DNMT3A: variants seen among roughly 807,000 people sequenced by gnomAD.
DNMT3A encodes the protein DNA methyltransferase 3 alpha.
Under a neutral mutation model 117.6 loss-of-function variants are expected in DNMT3A, and 267 were observed. The ratio of observed to expected loss-of-function variants is 2.27; its 90% CI spans 2.05 to 2.51. The LOEUF (loss-of-function observed/expected upper bound fraction) is 2.51, where lower values mean the gene tolerates loss of function less well. Among genes scored for constraint, DNMT3A ranks in the 30% most tolerant of loss-of-function variants. DNMT3A has a pLI of 0.00. For synonymous variants in DNMT3A, 432 were observed against 474.8 expected (o/e 0.91, Z 1.17); for missense variants, 1,029 against 1,260.2 (o/e 0.82, Z 2.78).
In DNMT3A at chr2:25,327,297, G is replaced by GAT. The variant is rs1183156329; in HGVS notation, c.-177-13138_-177-13137dup. Among the ~76,000 whole-genome samples the GAT allele has an allele frequency of 2.0e-5, 3 of 152,158 alleles. No homozygotes were observed. The highest frequency in any genetic ancestry group is 4.4e-5 in the Non-Finnish European group (3 of 68,028). On this transcript the variant is annotated intron_variant, in intron 1 of 22. Transcript: ENST00000321117. The surrounding 1 kb of genome is among the most constrained non-coding windows in gnomAD (Gnocchi z 4.1). ...TCTGTCTTCTGAATGGACCCTGACT[G>GAT]ATACAGTCACCCGCGGCCCCAAAGG...
chr2:25,256,117 AC>A (rs2149335204), intron 6 of DNMT3A, among the ~76,000 whole-genome samples: 1 of 152,098 alleles, frequency 6.6e-6, no homozygotes, highest in East Asian at 1.9e-4. Context: ...ACGTATTTCC[AC>A]CCCACACGTA....
intron 4 of DNMT3A, among the ~76,000 whole-genome samples, chr2:25,280,792 G>A (rs553404280): frequency 1.3e-5 from 2 of 152,278 alleles, no homozygotes; most frequent in African/African-American, 4.8e-5. Flanking sequence ...TTGACTGATC[G>A]ATGCAGGAGC....
At position 25,300,712 on chromosome 2, in the gene DNMT3A, AATATATATAT is replaced by A. The variant is rs3039391; in HGVS notation, c.73-479_73-470del. 9.6e-3 allele frequency among the ~76,000 whole-genome samples: 181 copies of A among 18,846 alleles called. 2 individuals carry two copies. The highest frequency in any genetic ancestry group is 0.012 in the Admixed American group (13 of 1,122). 12.4% of individuals were successfully genotyped at this position (18,846 alleles called of 152,430 possible). A position where few individuals can be genotyped will look rare whatever the true frequency, so the allele number is the denominator to read the frequency against. ...ATATATTTATATATCTAAATAATAT[AATATATATAT>A]ATATATATATATATATATATATATA... is the stretch of plus-strand genomic sequence containing the variant. On this transcript the variant is annotated intron_variant, in intron 2 of 22. Coordinates refer to ENST00000321117, the MANE Select transcript of DNMT3A (RefSeq NM_022552.5).
At chr2:25,271,728 G>A (rs1051721869) in intron 6 of DNMT3A, among the ~76,000 whole-genome samples, 1 of 148,896 alleles carries the variant, frequency 6.7e-6, no homozygotes, top group Non-Finnish European at 1.5e-5. Context: ...AATGTTATTA[G>A]CAGAAAATAT....
rs770052053 is a variant in DNMT3A, at chr2:25,240,692, G to A, written c.2121C>T (p.Gly707=). 3 of 1,614,226 alleles carry A rather than the reference G, an allele frequency of 1.9e-6. No individual in the cohort carries two copies. Among genetic ancestry groups the A allele is most frequent in the East Asian group, 2.2e-5 (1 of 44,884 alleles). Residue 707 remains glycine (G), a synonymous_variant, in exon 18 of 23, where the codon GGC becomes GGT. Coordinates refer to ENST00000321117, the MANE Select transcript of DNMT3A (RefSeq NM_022552.5). Reference sequence around the variant, plus strand: ...CGATGGAGAGGTCATTGCAGGGACTGCCCCCAATCACCAGATCGAATGGGC... The same window carrying A: ...CGATGGAGAGGTCATTGCAGGGACTACCCCCAATCACCAGATCGAATGGGC... The part of the protein sequence containing the change: ...EWGPFDLVIG[G]SPCNDLSIVN...
chr2:25,235,826 C>T lies in DNMT3A; in HGVS notation c.2479-1G>A, dbSNP rs775933506. ...TAGTAATGGTCCTCACTTTGCTGAA[C>T]TAGATGAAGAGGAGAAAAGAGGAAT... is the stretch of plus-strand genomic sequence containing the variant. On this transcript the variant is annotated splice_acceptor_variant, in intron 21 of 22. Transcript: ENST00000321117. LOFTEE classifies it high-confidence loss of function. 3.1e-6 allele frequency: 5 copies of T among 1,612,638 alleles called. No homozygotes were observed. Among genetic ancestry groups the T allele is most frequent in the East Asian group, 2.2e-5 (1 of 44,882 alleles).
rs888049482 is a variant in DNMT3A, at chr2:25,293,201, G to A, written c.177+6938C>T. Among the ~76,000 whole-genome samples the A allele has an allele frequency of 2.6e-5, 4 of 151,956 alleles. No individual in the cohort carries two copies. The highest frequency in any genetic ancestry group is 4.4e-5 in the Non-Finnish European group (3 of 67,994). On this transcript the variant is annotated intron_variant, in intron 3 of 22. Coordinates refer to ENST00000321117, the MANE Select transcript of DNMT3A (RefSeq NM_022552.5). This position sits in a 1 kb window ranked among gnomAD's most constrained non-coding sequence, Gnocchi z 4.7. ...TTCCTTTCACCCCTTCCTCTCCAGC[G>A]TTCCCAGGGCCAGCAGCATAGGCTT...
At chr2:25,291,505 G>A (rs1163953787) in intron 3 of DNMT3A, among the ~76,000 whole-genome samples, 1 of 152,254 alleles carries the variant, frequency 6.6e-6, no homozygotes, top group Non-Finnish European at 1.5e-5. Context: ...CCAACGCTAT[G>A]GAGCTAGGAC....
At position 25,246,607 on chromosome 2, in the gene DNMT3A, T is replaced by G. The variant is rs1019725825; in HGVS notation, c.1279+13A>C. ...CGGGCAGGGGTCCCAGAAAGCTGGG[T>G]GCCCTCATTTACCTTCTGGTGGCTC... On this transcript the variant is annotated intron_variant, in intron 10 of 22. Coordinates refer to ENST00000321117, the MANE Select transcript of DNMT3A (RefSeq NM_022552.5). 1.9e-5 allele frequency: 31 copies of G among 1,601,632 alleles called. No individual in the cohort carries two copies. The highest frequency in any genetic ancestry group is 2.7e-5 in the African/African-American group (2 of 74,450).
chr2:25,314,423 A>C, intron 1 of DNMT3A: 1 of 985,276 alleles, frequency 1.0e-6, no homozygotes, highest in Non-Finnish European at 1.2e-6. Context: ...TGGGACCTCC[A>C]GCTGCCTCCG....
At position 25,252,278 on chromosome 2, in the gene DNMT3A, G is replaced by A. The variant is rs540802281; in HGVS notation, c.640-4026C>T. On this transcript the variant is annotated intron_variant, in intron 6 of 22. Coordinates refer to ENST00000321117, the MANE Select transcript of DNMT3A (RefSeq NM_022552.5). The surrounding 1 kb of genome is among the most constrained non-coding windows in gnomAD (Gnocchi z 5.5). Reference sequence around the variant, plus strand: ...GCTCTGGAAGTAGCTGCCCGTCTTGGGGGAGGGGAAGGGGGCGATGGGGCT... The same window carrying A: ...GCTCTGGAAGTAGCTGCCCGTCTTGAGGGAGGGGAAGGGGGCGATGGGGCT... 1.4e-6 allele frequency: 2 copies of A among 1,468,586 alleles called. No individual in the cohort carries two copies. The highest frequency in any genetic ancestry group is 2.9e-5 in the East Asian group (1 of 34,954). 91.0% of individuals were successfully genotyped at this position (1,468,586 alleles called of 1,614,324 possible).
chr2:25,316,880 GT>G (rs60749413), intron 1 of DNMT3A, among the ~76,000 whole-genome samples: 132,889 of 152,240 alleles, frequency 0.87, 58,514 homozygotes, highest in African/African-American at 0.94. Context: ...AATAATGTTT[GT>G]TAACAGCCAC....
chr2:25,334,167 G>C (rs1243837492), intron 1 of DNMT3A, among the ~76,000 whole-genome samples: 1 of 152,186 alleles, frequency 6.6e-6, no homozygotes, highest in African/African-American at 2.4e-5. Context: ...GGCACCCATG[G>C]GTGGGGTGCG....
At chr2:25,255,654 A>C (rs372882251) in intron 6 of DNMT3A, among the ~76,000 whole-genome samples, 11 of 152,160 alleles carry the variant, frequency 7.2e-5, no homozygotes, top group African/African-American at 2.7e-4. Flanking sequence ...GCAAACTTCC[A>C]ATTTTAATTA....
At position 25,300,192 on chromosome 2, in the gene DNMT3A, T is replaced by C. The variant is rs1465039597; in HGVS notation, c.124A>G (p.Ser42Gly). The change falls in exon 3 of 23, where the codon AGC (serine) becomes GGC (glycine). Residue 42 changes from serine (S) to glycine (G), a missense_variant. Physicochemically the swap from Ser to Gly is moderately conservative, Grantham distance 56. Coordinates refer to ENST00000321117, the MANE Select transcript of DNMT3A (RefSeq NM_022552.5). ...CGCCCCACCTTCCGTGCCGTGGTGC[T>C]GGGCTCTTGGCGCTCCTCCTTGCCA... ...PRGKEERQEPSTTARKVGRPG... is the reference protein window; with the variant it reads ...PRGKEERQEPGTTARKVGRPG... 6.2e-7 allele frequency: 1 copy of C among 1,612,602 alleles called. No homozygotes were observed. The highest frequency in any genetic ancestry group is 1.7e-5 in the Admixed American group (1 of 60,010).
chr2:25,241,541 C>T (rs761384246), intron 17 of DNMT3A, 21 bp downstream of exon 17: 4 of 1,602,334 alleles, frequency 2.5e-6, no homozygotes, highest in Admixed American at 3.5e-5. Context: ...AGACGGGCTG[C>T]GCCCCACAGC....
At position 25,244,491 on chromosome 2, in the gene DNMT3A, G is replaced by A. The variant is rs371460456; in HGVS notation, c.1667+49C>T. ...GAGGAGGGGAGGCGGTGGGCGGCGG[G>A]AGCCTGGGGCCCAGCTAAGGAGACC... On this transcript the variant is annotated intron_variant, in intron 14 of 22. Coordinates refer to ENST00000321117, the MANE Select transcript of DNMT3A (RefSeq NM_022552.5). 94 of 1,604,856 alleles carry A rather than the reference G, an allele frequency of 5.9e-5. No homozygotes were observed. The Middle Eastern group carries it at 6.6e-4, about 11-fold the overall frequency.
rs1432654185 is a variant in DNMT3A at position 25,281,639 on chromosome 2, G to A, written c.448+802C>T. On this transcript the variant is annotated intron_variant, in intron 4 of 22. Coordinates refer to ENST00000321117, the MANE Select transcript of DNMT3A (RefSeq NM_022552.5). This position sits in a 1 kb window ranked among gnomAD's most constrained non-coding sequence, Gnocchi z 4.8. Reference sequence around the variant, plus strand: ...TGGCAGGGCCCTGGGAGGATCAAATGTGATAATGTATGAGAAAGCGCTTTG... The same window carrying A: ...TGGCAGGGCCCTGGGAGGATCAAATATGATAATGTATGAGAAAGCGCTTTG... 3 of 1,065,144 alleles carry A rather than the reference G, an allele frequency of 2.8e-6. No individual in the cohort carries two copies. The highest frequency in any genetic ancestry group is 3.4e-6 in the Non-Finnish European group (3 of 879,196). The allele number at this position is 1,065,144 out of a possible 1,614,324, so 66.0% of individuals were successfully genotyped here.
At chr2:25,301,085 C>T (rs1250455923) in intron 2 of DNMT3A, among the ~76,000 whole-genome samples, 14 of 150,656 alleles carry the variant, frequency 9.3e-5, no homozygotes, top group Non-Finnish European at 1.6e-4. Context: ...CCTGCTAACA[C>T]GATGAAACCC....
Sources: gnomAD v4.1 joint callset for allele counts (sites outside exome capture counted in the v4.1 genomes callset) on GRCh38, gnomAD v4.1.1 for gene constraint, Gnocchi (gnomAD v3.1) non-coding constraint, MANE v1.5 for transcripts, NCBI Gene and HGNC (gene_info 2026-07-23, HGNC 2026-07-21) for gene names.